RASA3: variants seen among roughly 807,000 people sequenced by gnomAD.
The protein encoded by RASA3 is RAS p21 protein activator 3.
Under a neutral mutation model 110.0 loss-of-function variants are expected in RASA3, and 73 were observed. The ratio of observed to expected loss-of-function variants is 0.66; its 90% CI spans 0.55 to 0.81. The LOEUF is 0.81. Ranked by LOEUF, RASA3 falls within the 30% of genes least tolerant of loss-of-function variation. The pLI, the probability that RASA3 is intolerant of heterozygous loss-of-function variation, is 0.00. For missense variants in RASA3, 976 were observed against 1,113.2 expected (o/e 0.88, Z 1.75); for synonymous variants, 500 against 451.4 (o/e 1.11, Z -1.37).
chr13:114,019,232 A>C (rs1411201210), intron 9 of RASA3, among the ~76,000 whole-genome samples: 2 of 152,246 alleles, frequency 1.3e-5, no homozygotes, highest in Non-Finnish European at 2.9e-5. Flanking sequence ...ACCCGCCCTA[A>C]GACCCACACC....
At chr13:114,060,480 G>T (rs112953960) in intron 2 of RASA3, among the ~76,000 whole-genome samples, 7 of 152,304 alleles carry the variant, frequency 4.6e-5, no homozygotes, top group African/African-American at 1.4e-4. Flanking sequence ...AAGGTGCAGC[G>T]GTCAGCCCGA....
intron 14 of RASA3, among the ~76,000 whole-genome samples, chr13:114,013,610 C>T (rs1170465392): frequency 2.9e-5 from 3 of 104,744 alleles, no homozygotes; most frequent in Admixed American, 8.8e-5. Flanking sequence ...CTGGCTCTCT[C>T]CCCCCCTCCA....
intron 22 of RASA3, among the ~76,000 whole-genome samples, chr13:113,989,582 C>T (rs532866755): frequency 6.6e-6 from 1 of 151,550 alleles, no homozygotes; most frequent in South Asian, 2.1e-4. Flanking sequence ...TCTATCCACC[C>T]ATCACTCACC....
intron 8 of RASA3, among the ~76,000 whole-genome samples, chr13:114,022,733 C>T (rs117484025): frequency 6.6e-6 from 1 of 152,156 alleles, no homozygotes; most frequent in African/African-American, 2.4e-5. Context: ...GGCGCATTTG[C>T]CTTTAATAAG....
intron 2 of RASA3, among the ~76,000 whole-genome samples, chr13:114,064,501 G>A (rs931091148): frequency 1.2e-4 from 18 of 152,182 alleles, no homozygotes; most frequent in African/African-American, 4.3e-4. Context: ...CCCGCTGTCC[G>A]TGGGTCTCAT....
intron 1 of RASA3, among the ~76,000 whole-genome samples, chr13:114,128,698 C>G (rs534319376): frequency 6.6e-6 from 1 of 152,262 alleles, no homozygotes; most frequent in Non-Finnish European, 1.5e-5. Flanking sequence ...GTCTTCTTCA[C>G]GGACAAGCTC....
rs772529489 is a variant in RASA3, at chr13:113,992,555, A to G, written c.2175T>C (p.Asp725=). ...AGATACGCTCCGTCTCACGGTCCCCATCAATGTCCAGCTGGATGTTGGCTG... is the reference window on the plus strand; with the variant it reads ...AGATACGCTCCGTCTCACGGTCCCCGTCAATGTCCAGCTGGATGTTGGCTG... ...GLPANIQLDI[D]GDRETERIYS... Residue 725 remains aspartate (D), a synonymous_variant, in exon 22 of 24, where the codon GAT becomes GAC. Transcript: ENST00000334062. The G allele has an allele frequency of 6.2e-7, 1 of 1,613,582 alleles. No individual in the cohort carries two copies. Among genetic ancestry groups the G allele is most frequent in the Non-Finnish European group, 8.5e-7 (1 of 1,179,880 alleles).
chr13:114,045,944 T>TGG (rs10668598), intron 3 of RASA3, among the ~76,000 whole-genome samples: 109,208 of 151,920 alleles, frequency 0.72, 40,049 homozygotes, highest in African/African-American at 0.87. Context: ...CCCAAGCGTG[T>TGG]AAAGATATAC....
At chr13:113,989,235 A>G (rs1261041863) in intron 22 of RASA3, among the ~76,000 whole-genome samples, 1 of 127,496 alleles carries the variant, frequency 7.8e-6, no homozygotes, top group Non-Finnish European at 1.6e-5. Context: ...CCATCCATCC[A>G]TCCACCCATC....
chr13:114,064,221 T>C (rs1261023605), intron 2 of RASA3, among the ~76,000 whole-genome samples: 1 of 152,206 alleles, frequency 6.6e-6, no homozygotes, highest in Non-Finnish European at 1.5e-5. Context: ...GAGCAGAGGC[T>C]GCGAGGCCAG....
rs934841295 is a variant in RASA3 at position 113,979,188 on chromosome 13, C to A, written c.*159G>T. Reference sequence around the variant, plus strand: ...GCGGAGGGCGTGGCGGTGGTGGCAGCGGTTCTGGGAGAGGGAAACCCCAGC... The same window carrying A: ...GCGGAGGGCGTGGCGGTGGTGGCAGAGGTTCTGGGAGAGGGAAACCCCAGC... On this transcript the variant is annotated 3_prime_UTR_variant, in exon 24 of 24. Transcript: ENST00000334062. 10 of 669,766 alleles carry A rather than the reference C, an allele frequency of 1.5e-5. No individual in the cohort carries two copies. Among genetic ancestry groups the A allele is most frequent in the Non-Finnish European group, 2.6e-5 (10 of 386,200 alleles). The allele number at this position is 669,766 out of a possible 1,614,324, so 41.5% of individuals were successfully genotyped here.
intron 1 of RASA3, among the ~76,000 whole-genome samples, chr13:114,094,353 A>AC (rs1235737320): frequency 3.3e-5 from 5 of 152,246 alleles, no homozygotes; most frequent in African/African-American, 1.2e-4. Flanking sequence ...AGCACTATTC[A>AC]CAATAGTCCA....
At chr13:114,006,756 T>C (rs374867321) in intron 18 of RASA3, among the ~76,000 whole-genome samples, 1 of 602 alleles carries the variant, frequency 1.7e-3, no homozygotes. Flanking sequence ...CCTGCCCTGC[T>C]GGATGCCACC....
chr13:114,069,534 A>G (rs2079521875), intron 2 of RASA3, among the ~76,000 whole-genome samples: 1 of 31,898 alleles, frequency 3.1e-5, no homozygotes, highest in Non-Finnish European at 5.4e-5. Flanking sequence ...AGGGGCCAGG[A>G]GACTCAGGGG....
intron 2 of RASA3, among the ~76,000 whole-genome samples, chr13:114,069,478 G>T (rs1354232175): frequency 1.3e-5 from 1 of 77,628 alleles, no homozygotes; most frequent in Non-Finnish European, 2.7e-5. Flanking sequence ...AGACTCGGGG[G>T]CCGGGAGACT....
Position 114,011,620 on chromosome 13 carries a change from G to T in RASA3, c.1513-372C>A, listed in dbSNP as rs1447445873. Among the ~76,000 whole-genome samples the T allele has an allele frequency of 6.6e-6, 1 of 152,102 alleles. No individual in the cohort carries two copies. Among genetic ancestry groups the T allele is most frequent in the East Asian group, 1.9e-4 (1 of 5,188 alleles). On this transcript the variant is annotated intron_variant, in intron 15 of 23. Transcript: ENST00000334062. The surrounding 1 kb of genome is among the most constrained non-coding windows in gnomAD (Gnocchi z 4.8). ...ATCTCAGCCTTCACAGGGTTTGAAG[G>T]TTCAACTCAGAAGTGCTGGGGGCCG... is the stretch of plus-strand genomic sequence containing the variant.
intron 21 of RASA3, among the ~76,000 whole-genome samples, chr13:113,993,918 C>T (rs541195335): frequency 2.6e-5 from 4 of 151,840 alleles, no homozygotes; most frequent in South Asian, 2.1e-4. Flanking sequence ...CACATTTGCA[C>T]GCAGGTGCAA....
intron 20 of RASA3, among the ~76,000 whole-genome samples, chr13:113,997,815 G>A (rs1358918548): frequency 6.6e-6 from 1 of 152,178 alleles, no homozygotes; most frequent in East Asian, 1.9e-4. Context: ...CTCATCTGGG[G>A]AGGATTTGGG....
At chr13:114,013,863 C>CTCT (rs1566478802) in intron 14 of RASA3, among the ~76,000 whole-genome samples, 7 of 122,774 alleles carry the variant, frequency 5.7e-5, no homozygotes, top group African/African-American at 2.4e-4. Flanking sequence ...TGTCTCTCTC[C>CTCT]CTGTCTCTCT....
Sources: gnomAD v4.1 joint callset for allele counts (sites outside exome capture counted in the v4.1 genomes callset) on GRCh38, gnomAD v4.1.1 for gene constraint, Gnocchi (gnomAD v3.1) non-coding constraint, MANE v1.5 for transcripts, NCBI Gene and HGNC (gene_info 2026-07-23, HGNC 2026-07-21) for gene names.